Variants in AGBL4 observed in about 807,000 individuals in gnomAD.
AGBL4 encodes AGBL carboxypeptidase 4.
A neutral mutation model predicts 66.4 loss-of-function variants in AGBL4; 58 were observed. That is an observed-to-expected ratio of 0.87 (90% CI 0.71 to 1.09). The LOEUF is 1.09. AGBL4 is among the 50% of genes least tolerant of loss of function. The pLI, the probability that AGBL4 is intolerant of heterozygous loss-of-function variation, is 0.00. For missense variants in AGBL4, 579 were observed against 631.0 expected, an observed-to-expected ratio of 0.92 and a Z score of 0.88; for synonymous variants, 234 against 222.9, an observed-to-expected ratio of 1.05 and a Z score of -0.44.
At chr1:48,601,315 G>A (rs1048568489) in intron 9 of AGBL4, among the ~76,000 whole-genome samples, 1 of 152,212 alleles carries the variant, frequency 6.6e-6, no homozygotes, top group African/African-American at 2.4e-5. Context: ...GGTAAATGAA[G>A]TAACTGGCTT....
At chr1:48,784,570 C>G (rs908936199) in intron 6 of AGBL4, among the ~76,000 whole-genome samples, 1 of 152,164 alleles carries the variant, frequency 6.6e-6, no homozygotes, top group African/African-American at 2.4e-5. Context: ...TTCAAACTGA[C>G]TTTGTTGAGT....
intron 4 of AGBL4, among the ~76,000 whole-genome samples, chr1:49,151,095 C>T (rs989483341): frequency 7.3e-5 from 11 of 151,646 alleles, no homozygotes; most frequent in South Asian, 2.1e-4. Context: ...GGTGAAACCT[C>T]GTCTCTACTA....
intron 5 of AGBL4, among the ~76,000 whole-genome samples, chr1:48,896,469 G>A (rs374011683): frequency 2.6e-5 from 4 of 152,238 alleles, no homozygotes; most frequent in African/African-American, 9.6e-5. Context: ...GGCCTATGTA[G>A]CTTAATTATA....
chr1:49,686,102 A>C (rs1235193697), intron 3 of AGBL4, among the ~76,000 whole-genome samples: 2 of 152,190 alleles, frequency 1.3e-5, no homozygotes, highest in African/African-American at 4.8e-5. Context: ...GTACAGTTTC[A>C]GTCTTCTGCA....
At chr1:49,448,324 G>A (rs1055806848) in intron 3 of AGBL4, among the ~76,000 whole-genome samples, 1 of 152,116 alleles carries the variant, frequency 6.6e-6, no homozygotes, top group South Asian at 2.1e-4. Flanking sequence ...TTCAGATTCT[G>A]TGTTTATGTT....
intron 3 of AGBL4, among the ~76,000 whole-genome samples, chr1:49,579,629 A>C (rs1273175836): frequency 2.0e-5 from 3 of 152,084 alleles, no homozygotes; most frequent in Non-Finnish European, 4.4e-5. Flanking sequence ...CCTCCCGAGT[A>C]GCTGGGACTA....
intron 5 of AGBL4, among the ~76,000 whole-genome samples, chr1:49,031,116 T>A (rs1309248311): frequency 6.6e-6 from 1 of 152,072 alleles, no homozygotes; most frequent in Non-Finnish European, 1.5e-5. Flanking sequence ...TTGAAACAGT[T>A]TCACTTTGTC....
chr1:48,968,539 G>A (rs1245414413), intron 5 of AGBL4, among the ~76,000 whole-genome samples: 1 of 151,964 alleles, frequency 6.6e-6, no homozygotes, highest in African/African-American at 2.4e-5. Context: ...GAAGTGGTTG[G>A]AATCAAGACA....
In AGBL4 at chr1:49,881,180, T is replaced by A. The variant is rs550221108; in HGVS notation, c.35-29662A>T. 2.1e-3 allele frequency among the ~76,000 whole-genome samples: 318 copies of A among 152,248 alleles called. 1 individual carries two copies. The highest frequency in any genetic ancestry group is 7.2e-3 in the African/African-American group (300 of 41,514). Reference sequence around the variant, plus strand: ...TGTTCCTATTTGGCCATCTTGATGATTTCCAATTTCATCTATGTCCCTACA... The same window carrying A: ...TGTTCCTATTTGGCCATCTTGATGAATTCCAATTTCATCTATGTCCCTACA... On this transcript the variant is annotated intron_variant, in intron 1 of 13. Transcript: ENST00000371839.
chr1:49,812,283 A>G (rs1333036164), intron 2 of AGBL4, among the ~76,000 whole-genome samples: 1 of 152,166 alleles, frequency 6.6e-6, no homozygotes, highest in Non-Finnish European at 1.5e-5. Flanking sequence ...TTGTTTGGGT[A>G]AAGCAATGCT....
At chr1:49,224,009 T>C (rs977288567) in intron 4 of AGBL4, among the ~76,000 whole-genome samples, 1 of 152,228 alleles carries the variant, frequency 6.6e-6, no homozygotes, top group African/African-American at 2.4e-5. Context: ...ATTGGACTTT[T>C]ATGAATTTCA....
chr1:49,056,960 A>G (rs983017164), intron 4 of AGBL4, among the ~76,000 whole-genome samples: 2 of 152,202 alleles, frequency 1.3e-5, no homozygotes, highest in African/African-American at 2.4e-5. Context: ...CTTTAAATTT[A>G]TCTGTCTCCA....
At position 48,599,149 on chromosome 1, in the gene AGBL4, A is replaced by G. The variant is rs112979035; in HGVS notation, c.952-8164T>C. ...GGACAATAACATGCATGAAGCTGTC[A>G]TCTCCTATGATAACAATCCCTTCTC... On this transcript the variant is annotated intron_variant, in intron 9 of 13. Coordinates refer to ENST00000371839, the MANE Select transcript of AGBL4 (RefSeq NM_032785.4). Among the ~76,000 whole-genome samples, 181 of 152,330 alleles carry G rather than the reference A, an allele frequency of 1.2e-3. 1 individual carries two copies. Among genetic ancestry groups the G allele is most frequent in the African/African-American group, 4.2e-3 (175 of 41,566 alleles).
intron 2 of AGBL4, among the ~76,000 whole-genome samples, chr1:49,771,860 T>C (rs2147885058): frequency 6.6e-6 from 1 of 152,176 alleles, no homozygotes; most frequent in South Asian, 2.1e-4. Flanking sequence ...CAGCCCTGTA[T>C]TGTCTTTAAT....
chr1:48,820,614 C>T (rs954291374), intron 6 of AGBL4, among the ~76,000 whole-genome samples: 3 of 152,106 alleles, frequency 2.0e-5, no homozygotes, highest in Non-Finnish European at 4.4e-5. Flanking sequence ...AACTGGGAAA[C>T]CAGCTTTTTC....
chr1:49,404,134 C>A (rs1332540779), intron 3 of AGBL4, among the ~76,000 whole-genome samples: 1 of 152,140 alleles, frequency 6.6e-6, no homozygotes, highest in East Asian at 1.9e-4. Flanking sequence ...ACCCCCCATT[C>A]ATACATTAAA....
intron 3 of AGBL4, among the ~76,000 whole-genome samples, chr1:49,636,227 G>A (rs1645669314): frequency 1.3e-5 from 2 of 152,184 alleles, no homozygotes; most frequent in African/African-American, 4.8e-5. Context: ...TCTGGGCATT[G>A]GTAAGTCCAA....
chr1:49,282,671 G>A (rs920370801), intron 3 of AGBL4, among the ~76,000 whole-genome samples: 6 of 152,202 alleles, frequency 3.9e-5, no homozygotes, highest in African/African-American at 1.4e-4. Flanking sequence ...CTCGCACCGT[G>A]CGCGAGCCAA....
intron 7 of AGBL4, among the ~76,000 whole-genome samples, chr1:48,657,004 C>T (rs980215198): frequency 2.6e-5 from 4 of 152,118 alleles, no homozygotes; most frequent in Admixed American, 6.5e-5. Context: ...GGAGTGCCAG[C>T]GGAAGGTATC....
Sources: allele counts gnomAD v4.1 joint callset (sites outside exome capture counted in the v4.1 genomes callset), GRCh38; gene constraint gnomAD v4.1.1; transcripts MANE v1.5; gene names NCBI Gene and HGNC (gene_info 2026-07-23, HGNC 2026-07-21).